Variants in MYT1L observed in about 807,000 individuals in gnomAD.
The protein encoded by MYT1L is myelin transcription factor 1-like protein.
Under a neutral mutation model 126.7 loss-of-function variants are expected in MYT1L, and 12 were observed. The observed-to-expected ratio is 0.09, with a 90% CI of 0.06 to 0.15. The LOEUF (loss-of-function observed/expected upper bound fraction) is 0.15, where lower values mean the gene tolerates loss of function less well. Ranked by LOEUF, MYT1L falls within the 10% of genes least tolerant of loss-of-function variation. MYT1L has a pLI of 1.00. For synonymous variants in MYT1L, 541 were observed against 604.2 expected (o/e 0.90, Z 1.53); for missense variants, 979 against 1,585.2 (o/e 0.62, Z 6.49).
chr2:1,956,223 A>ATCTG (rs1344015643), intron 8 of MYT1L, among the ~76,000 whole-genome samples: 2 of 132,570 alleles, frequency 1.5e-5, no homozygotes, highest in East Asian at 2.0e-4. Context: ...CTATCTATCT[A>ATCTG]TCTGTCTATC....
In MYT1L at chr2:2,259,318, G is replaced by A. The variant is rs1303095596; in HGVS notation, c.-421+25086C>T. 7.6e-4 allele frequency among the ~76,000 whole-genome samples: 93 copies of A among 122,526 alleles called. 1 individual carries two copies. The highest frequency in any genetic ancestry group is 2.8e-3 in the African/African-American group (80 of 28,732). 80.4% of individuals were successfully genotyped at this position (122,526 alleles called of 152,430 possible). The stretch of plus-strand genomic sequence containing the variant: ...TAGATGACACGTTAGTGGGTGCAGC[G>A]CACCAGCATGGCACATGTATACATA... On this transcript the variant is annotated intron_variant, in intron 2 of 24. Coordinates refer to ENST00000647738, the MANE Select transcript of MYT1L (RefSeq NM_001303052.2).
chr2:2,033,662 T>A (rs1332594524), intron 4 of MYT1L, among the ~76,000 whole-genome samples: 1 of 151,498 alleles, frequency 6.6e-6, no homozygotes, highest in Non-Finnish European at 1.5e-5. Context: ...TGATTTGAGG[T>A]CATTACATTC....
intron 2 of MYT1L, among the ~76,000 whole-genome samples, chr2:2,209,015 C>T (rs12620842): frequency 6.6e-6 from 1 of 152,042 alleles, no homozygotes; most frequent in Non-Finnish European, 1.5e-5. Context: ...CACACACACA[C>T]ACACACACAC....
chr2:2,001,173 T>G (rs1019593072), intron 4 of MYT1L, among the ~76,000 whole-genome samples: 1 of 151,698 alleles, frequency 6.6e-6, no homozygotes, highest in Non-Finnish European at 1.5e-5. Flanking sequence ...TCACTATTAG[T>G]TTTTTTGAAT....
At chr2:1,797,465 C>T (rs1020222655) in intron 23 of MYT1L, among the ~76,000 whole-genome samples, 3 of 152,132 alleles carry the variant, frequency 2.0e-5, no homozygotes, top group Non-Finnish European at 2.9e-5. Context: ...CGTGATCTGC[C>T]CGCCTCGGCC....
intron 2 of MYT1L, among the ~76,000 whole-genome samples, chr2:2,239,322 CATG>C (rs2094391926): frequency 6.6e-6 from 1 of 152,202 alleles, no homozygotes; most frequent in African/African-American, 2.4e-5. Flanking sequence ...AAAATTAGTC[CATG>C]ATAAGTTGCC....
chr2:2,061,678 A>G, intron 3 of MYT1L, among the ~76,000 whole-genome samples: 1 of 152,104 alleles, frequency 6.6e-6, no homozygotes, highest in South Asian at 2.1e-4. Context: ...TGGACCTGTG[A>G]TATCTGGATT....
At chr2:2,328,843 A>T (rs2096267717) in intron 1 of MYT1L, among the ~76,000 whole-genome samples, 1 of 152,232 alleles carries the variant, frequency 6.6e-6, no homozygotes, top group Non-Finnish European at 1.5e-5. Flanking sequence ...ATAATGGCAG[A>T]TGGAAAGTCT....
At chr2:2,133,811 C>A (rs2082684326) in intron 3 of MYT1L, among the ~76,000 whole-genome samples, 1 of 152,146 alleles carries the variant, frequency 6.6e-6, no homozygotes, top group South Asian at 2.1e-4. Flanking sequence ...GGCTACTTTT[C>A]CTGACTCTCC....
intron 3 of MYT1L, among the ~76,000 whole-genome samples, chr2:2,102,841 T>C (rs1392117390): frequency 6.6e-6 from 1 of 152,052 alleles, no homozygotes; most frequent in African/African-American, 2.4e-5. Flanking sequence ...ATAGCCAAGA[T>C]ATTGCTCCAG....
chr2:2,029,722 A>G, intron 4 of MYT1L, among the ~76,000 whole-genome samples: 1 of 152,226 alleles, frequency 6.6e-6, no homozygotes, highest in East Asian at 1.9e-4. Flanking sequence ...TCCAGGTTGT[A>G]TTTCACTGAA....
rs765069398 is a variant in MYT1L at position 1,889,874 on chromosome 2, T to G, written c.2284-397A>C. ...ATTACCGTTGCAAATACCTAAGAGA[T>G]AAAAATTTTGTGTGTATGCATGTGT... On this transcript the variant is annotated intron_variant, in intron 15 of 24. Coordinates refer to ENST00000647738, the MANE Select transcript of MYT1L (RefSeq NM_001303052.2). This position sits in a 1 kb window ranked among gnomAD's most constrained non-coding sequence, Gnocchi z 4.1. Among the ~76,000 whole-genome samples the G allele has an allele frequency of 6.6e-6, 1 of 152,162 alleles. No individual in the cohort carries two copies. Among genetic ancestry groups the G allele is most frequent in the Non-Finnish European group, 1.5e-5 (1 of 68,034 alleles).
rs2043280381 is a variant in MYT1L at position 1,851,709 on chromosome 2, A to G, written c.2712-6T>C. 1 of 1,613,270 alleles carries G rather than the reference A, an allele frequency of 6.2e-7. No homozygotes were observed. The highest frequency in any genetic ancestry group is 8.5e-7 in the Non-Finnish European group (1 of 1,179,370). ...CACAGCCAGGCGTGGGGCACCTACA[A>G]TAAAAAATGCAAATTGTGTTAAAAT... On this transcript the variant is annotated splice_region_variant and splice_polypyrimidine_tract_variant and intron_variant, in intron 18 of 24. Transcript: ENST00000647738.
chr2:1,884,281 G>A (rs968799943), intron 18 of MYT1L, among the ~76,000 whole-genome samples: 5 of 152,222 alleles, frequency 3.3e-5, no homozygotes, highest in Non-Finnish European at 5.9e-5. Context: ...ATATCACGAT[G>A]TTAATCAGGG....
intron 1 of MYT1L, among the ~76,000 whole-genome samples, chr2:2,302,655 G>A (rs2095802064): frequency 6.6e-6 from 1 of 152,164 alleles, no homozygotes; most frequent in Non-Finnish European, 1.5e-5. Flanking sequence ...GCGCTCAAAT[G>A]GCTGGGATCG....
At chr2:1,797,815 CAG>C (rs2033908628) in intron 23 of MYT1L, among the ~76,000 whole-genome samples, 2 of 152,234 alleles carry the variant, frequency 1.3e-5, no homozygotes, top group South Asian at 2.1e-4. Flanking sequence ...ACCCCTTCCG[CAG>C]AGAGTGGCAG....
chr2:2,202,080 A>G (rs1370869147), intron 2 of MYT1L, among the ~76,000 whole-genome samples: 1 of 152,176 alleles, frequency 6.6e-6, no homozygotes, highest in East Asian at 1.9e-4. Flanking sequence ...CAATGAGAAC[A>G]AAGACACAAC....
Position 1,811,746 on chromosome 2 carries a change from C to T in MYT1L, c.3081-2579G>A, listed in dbSNP as rs558084566. 4.8e-4 allele frequency among the ~76,000 whole-genome samples: 73 copies of T among 152,260 alleles called. No homozygotes were observed. The highest frequency in any genetic ancestry group is 1.7e-3 in the African/African-American group (69 of 41,542). On this transcript the variant is annotated intron_variant, in intron 21 of 24. Transcript: ENST00000647738. This position sits in a 1 kb window ranked among gnomAD's most constrained non-coding sequence, Gnocchi z 4.4. ...CTTTAGTGTGGGGCGTGAACGAACC[C>T]CTCGCGTTCCGGAGGGAACAGGCTC...
At chr2:2,172,785 G>C (rs2148546395) in intron 3 of MYT1L, 87 bp downstream of exon 3, 1 of 152,524 alleles carries the variant, frequency 6.6e-6, no homozygotes, top group African/African-American at 2.4e-5. Context: ...TTGCTGGGCA[G>C]GGGTACCTGC....
Sources: allele counts gnomAD v4.1 joint callset (sites outside exome capture counted in the v4.1 genomes callset), GRCh38; gene constraint gnomAD v4.1.1; non-coding constraint Gnocchi (gnomAD v3.1); transcripts MANE v1.5; gene names NCBI Gene and HGNC (gene_info 2026-07-23, HGNC 2026-07-21).